The following VAV2 variants were observed in gnomAD, a reference collection of about 807,000 sequenced individuals.
The protein encoded by VAV2 is guanine nucleotide exchange factor VAV2.
A neutral mutation model predicts 132.5 loss-of-function variants in VAV2; 67 were observed. The ratio of observed to expected loss-of-function variants is 0.51; its 90% CI spans 0.42 to 0.62. The LOEUF (loss-of-function observed/expected upper bound fraction) is 0.62. Ranked by LOEUF, VAV2 falls within the 20% of genes least tolerant of loss-of-function variation. The pLI is 0.00. For synonymous variants in VAV2, 492 were observed against 443.5 expected, an observed-to-expected ratio of 1.11 and a Z score of -1.37; for missense variants, 938 against 1,153.6, an observed-to-expected ratio of 0.81 and a Z score of 2.71.
chr9:133,818,508 A>C (rs753675455), intron 4 of VAV2, among the ~76,000 whole-genome samples: 37 of 152,064 alleles, frequency 2.4e-4, no homozygotes, highest in Non-Finnish European at 4.9e-4. Context: ...CCCATCCCAC[A>C]CCAGGACTCA....
intron 2 of VAV2, among the ~76,000 whole-genome samples, chr9:133,936,062 A>G (rs1840897455): frequency 6.6e-6 from 1 of 152,034 alleles, no homozygotes; most frequent in Admixed American, 6.6e-5. Context: ...TGACCCGCTC[A>G]AGGGAACTTT....
chr9:133,961,603 G>T lies in VAV2; in HGVS notation c.205-22384C>A, dbSNP rs887579800. Among the ~76,000 whole-genome samples the T allele has an allele frequency of 6.6e-6, 1 of 152,162 alleles. No homozygotes were observed. The highest frequency in any genetic ancestry group is 2.4e-5 in the African/African-American group (1 of 41,426). ...GCCCTCTGACCTCACAAAGACCCAC[G>T]GGGCTGGTTTGGGAGGCCCAGCCCA... On this transcript the variant is annotated intron_variant, in intron 1 of 29. Transcript: ENST00000371850. This position sits in a 1 kb window ranked among gnomAD's most constrained non-coding sequence, Gnocchi z 4.1.
At position 133,801,273 on chromosome 9, in the gene VAV2, C is replaced by T. The variant is rs571608206; in HGVS notation, c.837-3464G>A. On this transcript the variant is annotated intron_variant, in intron 9 of 29. Coordinates refer to ENST00000371850, the MANE Select transcript of VAV2 (RefSeq NM_001134398.2). The stretch of plus-strand genomic sequence containing the variant: ...GACCTCCATGAAGAGCCTGAAAGGG[C>T]CCTGGCCGTGGGACGGGCTTCACAC... Among the ~76,000 whole-genome samples, 11 of 152,342 alleles carry T rather than the reference C, an allele frequency of 7.2e-5. No individual in the cohort carries two copies. In the East Asian group the frequency reaches 2.1e-3, roughly 29 times the overall value.
At position 133,769,267 on chromosome 9, in the gene VAV2, A is replaced by C; in HGVS notation, c.2434+150T>G. ...GCAGCAGCCTCTGCCCGGCCTCCCCAGCCCCTTTCTCCCCTCCACCCAGTG... is the reference window on the plus strand; with the variant it reads ...GCAGCAGCCTCTGCCCGGCCTCCCCCGCCCCTTTCTCCCCTCCACCCAGTG... On this transcript the variant is annotated intron_variant, in intron 28 of 29. Transcript: ENST00000371850. The surrounding 1 kb of genome is among the most constrained non-coding windows in gnomAD (Gnocchi z 8.1). 1 of 855,478 alleles carries C rather than the reference A, an allele frequency of 1.2e-6. No individual in the cohort carries two copies. Among genetic ancestry groups the C allele is most frequent in the Non-Finnish European group, 1.8e-6 (1 of 562,890 alleles). 53.0% of individuals were successfully genotyped at this position (855,478 alleles called of 1,614,324 possible).
At chr9:133,822,100 C>G (rs1002396894) in intron 4 of VAV2, among the ~76,000 whole-genome samples, 7 of 152,234 alleles carry the variant, frequency 4.6e-5, no homozygotes, top group African/African-American at 1.7e-4. Context: ...CCTCGCCCAC[C>G]TGCCCCGATT....
rs548646602 is a variant in VAV2, at chr9:133,875,250, C to T, written c.322-13818G>A. Among the ~76,000 whole-genome samples the T allele has an allele frequency of 1.2e-4, 18 of 152,316 alleles. No individual in the cohort carries two copies. In the East Asian group the frequency reaches 1.5e-3, roughly 13 times the overall value. ...GGTTCACAGGGCCAGAGCCGAGTGC[C>T]GAACCCTCCGTGCCAAGGCCAGACC... On this transcript the variant is annotated intron_variant, in intron 2 of 29. Transcript: ENST00000371850.
At chr9:133,904,842 C>T (rs1305382481) in intron 2 of VAV2, among the ~76,000 whole-genome samples, 1 of 152,260 alleles carries the variant, frequency 6.6e-6, no homozygotes, top group Non-Finnish European at 1.5e-5. Flanking sequence ...GGCCTCTAGG[C>T]ACAAAATACT....
chr9:133,787,254 CG>C lies in VAV2; in HGVS notation c.1413del (p.His471GlnfsTer11). ...GGGCGCTAGGTGCTTACCATTTTCC[CG>C]TGAGACTAGGAAGCATGGAGAGGAG... ...PMNNKDVKKS[H>X]GKMWSYGFYL... On this transcript the variant is annotated frameshift_variant, in exon 16 of 30. Transcript: ENST00000371850. LOFTEE classifies it high-confidence loss of function. 1.3e-6 allele frequency: 2 copies of C among 1,586,228 alleles called. No homozygotes were observed. The highest frequency in any genetic ancestry group is 1.7e-6 in the Non-Finnish European group (2 of 1,163,836).
At chr9:133,979,876 G>A (rs1842640180) in intron 1 of VAV2, among the ~76,000 whole-genome samples, 1 of 152,238 alleles carries the variant, frequency 6.6e-6, no homozygotes, top group Non-Finnish European at 1.5e-5. Context: ...GGCGTCACCT[G>A]AAGGCAGCCC....
intron 4 of VAV2, among the ~76,000 whole-genome samples, chr9:133,832,559 C>CA (rs1836303541): frequency 6.8e-6 from 1 of 146,136 alleles, no homozygotes; most frequent in African/African-American, 2.5e-5. Context: ...TTGGAATTTT[C>CA]TTTTTTTTTT....
Position 133,964,072 on chromosome 9 carries a change from T to C in VAV2, c.205-24853A>G, listed in dbSNP as rs928395315. Among the ~76,000 whole-genome samples the C allele has an allele frequency of 9.8e-5, 13 of 132,944 alleles. 1 individual carries two copies. The highest frequency in any genetic ancestry group is 3.5e-4 in the African/African-American group (13 of 36,978). The allele number at this position is 132,944 out of a possible 152,430, so 87.2% of individuals were successfully genotyped here. The stretch of plus-strand genomic sequence containing the variant: ...ATACATATATATACATATATATAAA[T>C]GAATAGGCCAGGTATGTTGGCTCAT... On this transcript the variant is annotated intron_variant, in intron 1 of 29. Transcript: ENST00000371850.
At chr9:133,797,900 T>G in intron 9 of VAV2, 91 bp from the exon 10 acceptor site, 1 of 1,223,898 alleles carries the variant, frequency 8.2e-7, no homozygotes, top group Non-Finnish European at 1.1e-6. Context: ...CAGCAGGCTG[T>G]AGGTGCGCAA....
intron 2 of VAV2, among the ~76,000 whole-genome samples, chr9:133,925,524 A>AT (rs1033783683): frequency 5.3e-5 from 8 of 152,250 alleles, no homozygotes; most frequent in African/African-American, 1.9e-4. Context: ...GGTCACAGTA[A>AT]TGTTTTTTAA....
chr9:133,979,889 C>A (rs1842640648), intron 1 of VAV2, among the ~76,000 whole-genome samples: 1 of 152,248 alleles, frequency 6.6e-6, no homozygotes, highest in African/African-American at 2.4e-5. Context: ...GGCAGCCCTG[C>A]CTTCTGCCTG....
intron 2 of VAV2, among the ~76,000 whole-genome samples, chr9:133,887,824 G>T (rs1838774684): frequency 1.3e-5 from 2 of 151,304 alleles, no homozygotes; most frequent in South Asian, 4.2e-4. Context: ...GGCTGCTTTT[G>T]CATCTTCAGG....
At chr9:133,916,849 T>G (rs1418757701) in intron 2 of VAV2, among the ~76,000 whole-genome samples, 1 of 151,948 alleles carries the variant, frequency 6.6e-6, no homozygotes, top group Admixed American at 6.6e-5. Context: ...CATGGCAGAG[T>G]TGAAGAGAAT....
chr9:133,789,338 C>T lies in VAV2; in HGVS notation c.1194G>A (p.Val398=), dbSNP rs1564348263. The T allele has an allele frequency of 6.2e-7, 1 of 1,613,322 alleles. No homozygotes were observed. The highest frequency in any genetic ancestry group is 1.3e-5 in the African/African-American group (1 of 74,342). The change falls in exon 14 of 30, where the codon GTG becomes GTA. Residue 398 remains valine (V), a synonymous_variant. Transcript: ENST00000371850. ...EFQSSIENLQ[V]KLEEFGRPKI... ...TTGGTCTTCCAAATTCCTCCAGTTT[C>T]ACTTGCTGGGAAGAAGGAGAGGGGC...
At chr9:133,989,967 G>A (rs1035671410) in intron 1 of VAV2, among the ~76,000 whole-genome samples, 2 of 152,258 alleles carry the variant, frequency 1.3e-5, no homozygotes, top group African/African-American at 4.8e-5. Context: ...CCACAGTCCA[G>A]GTGACGGTCA....
At chr9:133,990,539 T>C (rs1012641072) in intron 1 of VAV2, among the ~76,000 whole-genome samples, 1 of 152,178 alleles carries the variant, frequency 6.6e-6, no homozygotes, top group Non-Finnish European at 1.5e-5. Context: ...CCAGCTGCCC[T>C]GCCTCTGCCC....
Sources: gnomAD v4.1 joint callset for allele counts (sites outside exome capture counted in the v4.1 genomes callset) on GRCh38, gnomAD v4.1.1 for gene constraint, Gnocchi (gnomAD v3.1) non-coding constraint, MANE v1.5 for transcripts, NCBI Gene and HGNC (gene_info 2026-07-23, HGNC 2026-07-21) for gene names.